Variants in SNX29 observed in about 807,000 individuals in gnomAD.
The protein encoded by SNX29 is sorting nexin-29.
In SNX29, 78 loss-of-function variants were observed where a neutral mutation model predicts 102.1. The ratio of observed to expected loss-of-function variants is 0.76; its 90% CI spans 0.64 to 0.92. SNX29 has a LOEUF of 0.92. Among genes scored for constraint, SNX29 ranks in the 40% least tolerant of loss-of-function variants. SNX29 has a pLI of 0.00. For synonymous variants in SNX29, 580 were observed against 414.5 expected, an observed-to-expected ratio of 1.40 and a Z score of -4.85; for missense variants, 1,280 against 1,061.7, an observed-to-expected ratio of 1.21 and a Z score of -2.86.
chr16:12,210,567 C>T (rs1209585337), intron 14 of SNX29, among the ~76,000 whole-genome samples: 3 of 151,910 alleles, frequency 2.0e-5, no homozygotes, highest in Non-Finnish European at 4.4e-5. Flanking sequence ...AAAGTGAATC[C>T]AGCCAGGCCT....
Position 11,976,774 on chromosome 16 carries a change from CG to C in SNX29, c.-32del. ...GCCGCAGAAGCGGCAGCGGCGGCGG[CG>C]CGGCGCAGGCACCGGCCCGGGGAGA... On this transcript the variant is annotated 5_prime_UTR_variant, in exon 1 of 21. Transcript: ENST00000566228. The C allele has an allele frequency of 7.6e-7, 1 of 1,319,810 alleles. No individual in the cohort carries two copies. The highest frequency in any genetic ancestry group is 3.3e-5 in the Admixed American group (1 of 29,906). 81.8% of individuals were successfully genotyped at this position (1,319,810 alleles called of 1,614,324 possible).
intron 18 of SNX29, among the ~76,000 whole-genome samples, chr16:12,475,719 A>G (rs1337993242): frequency 6.6e-6 from 1 of 152,246 alleles, no homozygotes; most frequent in Non-Finnish European, 1.5e-5. Context: ...ACTGCACATC[A>G]CTAGCCTGGA....
intron 14 of SNX29, among the ~76,000 whole-genome samples, chr16:12,239,683 G>A (rs551348557): frequency 1.1e-3 from 161 of 148,782 alleles, no homozygotes; most frequent in Non-Finnish European, 1.9e-3. Context: ...GTCCGGTGTG[G>A]TGATGTGCAC....
chr16:12,216,375 T>C (rs2077323963), intron 14 of SNX29, among the ~76,000 whole-genome samples: 1 of 152,122 alleles, frequency 6.6e-6, no homozygotes, highest in Middle Eastern at 3.2e-3. Context: ...AGAAGAAATA[T>C]GATGGCACAA....
intron 20 of SNX29, among the ~76,000 whole-genome samples, chr16:12,546,026 C>T (rs1327462717): frequency 2.0e-5 from 3 of 152,134 alleles, no homozygotes; most frequent in African/African-American, 7.2e-5. Context: ...ACAAAAAAAC[C>T]CACACCCTTG....
At chr16:12,458,049 C>T (rs1380630059) in intron 18 of SNX29, among the ~76,000 whole-genome samples, 2 of 152,122 alleles carry the variant, frequency 1.3e-5, no homozygotes, top group Non-Finnish European at 2.9e-5. Context: ...GGATGCTTTT[C>T]AAAGAGGAAG....
intron 14 of SNX29, among the ~76,000 whole-genome samples, chr16:12,201,142 G>T (rs1414503427): frequency 6.6e-6 from 1 of 152,014 alleles, no homozygotes; most frequent in Non-Finnish European, 1.5e-5. Context: ...TTCATATTTG[G>T]GTCAGTAACT....
rs565442388 is a variant in SNX29, at chr16:12,330,026, C to T, written c.1783-26137C>T. Among the ~76,000 whole-genome samples the T allele has an allele frequency of 2.6e-5, 4 of 152,290 alleles. No individual in the cohort carries two copies. In the South Asian group the frequency reaches 8.3e-4, roughly 32 times the overall value. ...GGGCACACTCCTCAACATCTCTGAA[C>T]CTCATTTTCCCTGTCTGTGAAATGG... On this transcript the variant is annotated intron_variant, in intron 15 of 20. Transcript: ENST00000566228.
chr16:12,518,259 C>A (rs139289702), intron 19 of SNX29, among the ~76,000 whole-genome samples: 113 of 152,256 alleles, frequency 7.4e-4, no homozygotes, highest in Non-Finnish European at 1.2e-3. Context: ...TGCCTCCCAC[C>A]TCCCGTTGGC....
intron 20 of SNX29, among the ~76,000 whole-genome samples, chr16:12,549,133 G>A (rs754836055): frequency 6.6e-6 from 1 of 152,176 alleles, no homozygotes; most frequent in East Asian, 1.9e-4. Context: ...AAATTCTGGG[G>A]TAGTTTTGAT....
chr16:12,006,413 G>A (rs999670089), intron 3 of SNX29, among the ~76,000 whole-genome samples: 2 of 151,644 alleles, frequency 1.3e-5, no homozygotes, highest in African/African-American at 2.4e-5. Flanking sequence ...TAAGCAGGGA[G>A]GCTGAGGCAG....
At chr16:11,985,574 GC>G (rs1388139067) in intron 1 of SNX29, among the ~76,000 whole-genome samples, 4 of 152,208 alleles carry the variant, frequency 2.6e-5, no homozygotes, top group Non-Finnish European at 5.9e-5. Flanking sequence ...CCTCCATGGA[GC>G]GGGCTGGCCA....
intron 16 of SNX29, among the ~76,000 whole-genome samples, chr16:12,391,154 C>T: frequency 6.6e-6 from 1 of 152,116 alleles, no homozygotes; most frequent in East Asian, 1.9e-4. Context: ...CTGTGTTGCC[C>T]AGACTGGCCT....
At chr16:12,154,409 T>A in intron 13 of SNX29, among the ~76,000 whole-genome samples, 1 of 151,936 alleles carries the variant, frequency 6.6e-6, no homozygotes, top group Non-Finnish European at 1.5e-5. Context: ...AAGCAGGCTG[T>A]TTTTTTTGGA....
At chr16:12,527,352 G>GT (rs1489255286) in intron 20 of SNX29, 1 of 505,774 alleles carries the variant, frequency 2.0e-6, no homozygotes, top group Non-Finnish European at 3.8e-6. Flanking sequence ...GAGATTTCTG[G>GT]TTAAAAAAAA....
chr16:11,989,668 C>T (rs555814115), intron 1 of SNX29, among the ~76,000 whole-genome samples: 1 of 152,248 alleles, frequency 6.6e-6, no homozygotes, highest in Admixed American at 6.5e-5. Flanking sequence ...CTAGATTCAA[C>T]AACTGTTGAG....
intron 3 of SNX29, among the ~76,000 whole-genome samples, chr16:12,009,884 G>T (rs62037701): frequency 0.21 from 32,616 of 152,166 alleles, 4,395 homozygotes; most frequent in Non-Finnish European, 0.3. Context: ...TGATTGTTCC[G>T]CCAAGGCGTC....
chr16:12,472,736 G>T (rs1196302394), intron 18 of SNX29, among the ~76,000 whole-genome samples: 1 of 152,002 alleles, frequency 6.6e-6, no homozygotes, highest in East Asian at 1.9e-4. Flanking sequence ...TCTGTTCATT[G>T]ACGGACTGAG....
chr16:12,170,264 C>G (rs1384397026), intron 13 of SNX29, among the ~76,000 whole-genome samples: 1 of 151,868 alleles, frequency 6.6e-6, no homozygotes, highest in East Asian at 1.9e-4. Context: ...AGAGTGGCAG[C>G]GCATGTGATG....
Sources: allele counts gnomAD v4.1 joint callset (sites outside exome capture counted in the v4.1 genomes callset), GRCh38; gene constraint gnomAD v4.1.1; transcripts MANE v1.5; gene names NCBI Gene and HGNC (gene_info 2026-07-23, HGNC 2026-07-21).